LRPAP1: variants seen among roughly 807,000 people sequenced by gnomAD.
LRPAP1 encodes LDL receptor related protein associated protein 1.
LRPAP1 carries 41 observed loss-of-function variants against 39.9 expected under a neutral mutation model. The observed-to-expected ratio is 1.03, with a 90% CI of 0.80 to 1.33. LRPAP1 has a LOEUF of 1.33. Among genes scored for constraint, LRPAP1 ranks in the 40% most tolerant of loss-of-function variants. The pLI, the probability that LRPAP1 is intolerant of heterozygous loss-of-function variation, is 0.00. For missense variants in LRPAP1, 565 were observed against 482.3 expected, an observed-to-expected ratio of 1.17 and a Z score of -1.61; for synonymous variants, 263 against 212.7, an observed-to-expected ratio of 1.24 and a Z score of -2.06.
intron 7 of LRPAP1, among the ~76,000 whole-genome samples, chr4:3,514,274 C>T (rs1409683199): frequency 2.6e-5 from 4 of 152,278 alleles, no homozygotes; most frequent in African/African-American, 9.6e-5. Flanking sequence ...TGAGCCCCAG[C>T]TCCCTCCAGA....
rs753351085 is a variant in LRPAP1, at chr4:3,512,991, G to A, written c.1057C>T (p.Arg353Trp). 1.9e-5 allele frequency: 31 copies of A among 1,611,850 alleles called. No individual in the cohort carries two copies. Among genetic ancestry groups the A allele is most frequent in the South Asian group, 3.3e-5 (3 of 90,400 alleles). The part of the protein sequence containing the change: ...QDLSGRISRA[R>W]HNEL ...CAATGCCTTCAGAGTTCGTTGTGCC[G>A]AGCTCTGGAGATCCTGCCGGACAGG... Residue 353 changes from arginine to tryptophan, a missense_variant, in exon 8 of 8, where the codon CGG becomes TGG. Physicochemically the swap from Arg to Trp is moderately radical, Grantham distance 101. Transcript: ENST00000650182.
rs966413971 is a variant in LRPAP1 at position 3,507,865 on chromosome 4, C to A, written c.*5109G>T. On this transcript the variant is annotated 3_prime_UTR_variant, in exon 8 of 8. Coordinates refer to ENST00000650182, the MANE Select transcript of LRPAP1 (RefSeq NM_002337.4). ...GGGGGAAAAGAAAACACAAATGGCC[C>A]AGAGCAGGAATGAGAATGGACATCA... The A allele has an allele frequency of 6.6e-6, 1 of 152,080 alleles. No homozygotes were observed. The highest frequency in any genetic ancestry group is 2.1e-4 in the South Asian group (1 of 4,828). 9.4% of individuals were successfully genotyped at this position (152,080 alleles called of 1,614,324 possible). A position where few individuals can be genotyped will look rare whatever the true frequency, so the allele number is the denominator to read the frequency against.
At chr4:3,529,121 G>A (rs1388443284) in intron 1 of LRPAP1, among the ~76,000 whole-genome samples, 1 of 151,986 alleles carries the variant, frequency 6.6e-6, no homozygotes, top group Non-Finnish European at 1.5e-5. Flanking sequence ...CCAGGAGTTC[G>A]AGACCAGCCT....
chr4:3,532,117 C>T, intron 1 of LRPAP1, 92 bp downstream of exon 1: 4 of 1,395,122 alleles, frequency 2.9e-6, no homozygotes, highest in Non-Finnish European at 2.9e-6. Context: ...GCTGCGCCCC[C>T]CTCCGCCTCC....
chr4:3,525,156 C>A, intron 1 of LRPAP1, 105 bp from the exon 2 acceptor site: 2 of 1,329,734 alleles, frequency 1.5e-6, no homozygotes, highest in Non-Finnish European at 1.1e-6. Context: ...TCTGGGAGAC[C>A]AGGAAGAGGT....
At chr4:3,518,850 G>T (rs1729815477) in intron 4 of LRPAP1, 21 bp downstream of exon 4, 20 of 1,503,738 alleles carry the variant, frequency 1.3e-5, no homozygotes, top group Non-Finnish European at 1.7e-5. Flanking sequence ...GAGGGCAGGA[G>T]GGGGTGGGGG....
intron 2 of LRPAP1, among the ~76,000 whole-genome samples, chr4:3,522,680 TGCC>T (rs1729952769): frequency 9.4e-6 from 1 of 106,520 alleles, no homozygotes; most frequent in Non-Finnish European, 2.1e-5. Flanking sequence ...CCACACCCCC[TGCC>T]TGGGGAGGAC....
intron 2 of LRPAP1, among the ~76,000 whole-genome samples, chr4:3,521,476 G>C (rs1729907571): frequency 6.6e-6 from 1 of 152,108 alleles, no homozygotes; most frequent in African/African-American, 2.4e-5. Context: ...TCTCCCAAAG[G>C]TCCATCCTCT....
chr4:3,512,226 C>G lies in LRPAP1; in HGVS notation c.*748G>C, dbSNP rs540935815. ...AAGGCCTCCGTGGCTGTCTCTCCCC[C>G]ATGAGATGGGGCATTTACACAGCAC... is the stretch of plus-strand genomic sequence containing the variant. On this transcript the variant is annotated 3_prime_UTR_variant, in exon 8 of 8. Coordinates refer to ENST00000650182, the MANE Select transcript of LRPAP1 (RefSeq NM_002337.4). 1 of 152,522 alleles carries G rather than the reference C, an allele frequency of 6.6e-6. No individual in the cohort carries two copies. Among genetic ancestry groups the G allele is most frequent in the Admixed American group, 6.5e-5 (1 of 15,306 alleles). The allele number at this position is 152,522 out of a possible 1,614,324, so 9.4% of individuals were successfully genotyped here.
In LRPAP1 at chr4:3,504,349, C is replaced by A. The variant is rs1729288681; in HGVS notation, c.*8625G>T. 6.6e-6 allele frequency: 1 copy of A among 152,400 alleles called. No individual in the cohort carries two copies. The highest frequency in any genetic ancestry group is 2.4e-5 in the African/African-American group (1 of 41,590). 9.4% of individuals were successfully genotyped at this position (152,400 alleles called of 1,614,324 possible). On this transcript the variant is annotated 3_prime_UTR_variant, in exon 8 of 8. Coordinates refer to ENST00000650182, the MANE Select transcript of LRPAP1 (RefSeq NM_002337.4). ...ACAGTTCAGGCCGGGCACAGAAGCT[C>A]ATGCCTGTAATCCCAGCACTTTGGG...
chr4:3,528,408 A>T (rs1490598766), intron 1 of LRPAP1, among the ~76,000 whole-genome samples: 2 of 148,994 alleles, frequency 1.3e-5, no homozygotes, highest in Non-Finnish European at 3.0e-5. Context: ...CCCACACAGC[A>T]CCACCCGCGT....
chr4:3,526,602 C>A (rs1312482965), intron 1 of LRPAP1, among the ~76,000 whole-genome samples: 1 of 152,254 alleles, frequency 6.6e-6, no homozygotes. Context: ...CAGCCCGAGA[C>A]CTCAGGAGGC....
Position 3,520,136 on chromosome 4 carries a change from TTGC to T in LRPAP1, c.404_406del (p.Ser135del). 1.2e-6 allele frequency: 2 copies of T among 1,613,920 alleles called. No homozygotes were observed. Among genetic ancestry groups the T allele is most frequent in the South Asian group, 2.2e-5 (2 of 91,046 alleles). ...GTCTTCCTGGGTGCCACTGAGGGAG[TTGC>T]TGGTCACCTGCCGAGCGTCCTTCTT... On this transcript the variant is annotated inframe_deletion, in exon 3 of 8. Transcript: ENST00000650182.
Position 3,510,149 on chromosome 4 carries a change from G to T in LRPAP1, c.*2825C>A, listed in dbSNP as rs1017192089. 2.0e-5 allele frequency: 3 copies of T among 152,166 alleles called. No individual in the cohort carries two copies. The highest frequency in any genetic ancestry group is 2.9e-5 in the Non-Finnish European group (2 of 68,042). The allele number at this position is 152,166 out of a possible 1,614,324, so 9.4% of individuals were successfully genotyped here. ...GTAGCCAAGACAGTGTGGCGGCCGG[G>T]CACCATGGCTCACACCTACAACCTG... On this transcript the variant is annotated 3_prime_UTR_variant, in exon 8 of 8. Transcript: ENST00000650182.
intron 7 of LRPAP1, among the ~76,000 whole-genome samples, chr4:3,514,038 T>G (rs747032556): frequency 2.0e-5 from 3 of 152,218 alleles, no homozygotes; most frequent in Non-Finnish European, 4.4e-5. Flanking sequence ...TCCCCGCGTC[T>G]CGCGGGAGCG....
chr4:3,529,912 A>T (rs552855202), intron 1 of LRPAP1, among the ~76,000 whole-genome samples: 94 of 152,154 alleles, frequency 6.2e-4, no homozygotes, highest in Non-Finnish European at 1.3e-3. Flanking sequence ...AAAGGACAAG[A>T]CCGTCCTGGC....
Position 3,514,868 on chromosome 4 carries a change from C to G in LRPAP1, c.895G>C (p.Glu299Gln). 1 of 1,613,922 alleles carries G rather than the reference C, an allele frequency of 6.2e-7. No homozygotes were observed. Among genetic ancestry groups the G allele is most frequent in the Non-Finnish European group, 8.5e-7 (1 of 1,179,922 alleles). ...TGCCTCAGCTTCTCGTGCGCAATCT[C>G]CAGCTGCTTCTGGTAGTGGTTGTGC... ...EKHNHYQKQL[E>Q]IAHEKLRHAE... The change falls in exon 7 of 8, where the codon GAG (glutamate) becomes CAG (glutamine). Residue 299 changes from glutamate (E) to glutamine (Q), a missense_variant. By Grantham distance (29) the Glu-to-Gln change is conservative. Coordinates refer to ENST00000650182, the MANE Select transcript of LRPAP1 (RefSeq NM_002337.4).
At chr4:3,522,689 AGGACAGACGCCG>A (rs1729953739) in intron 2 of LRPAP1, among the ~76,000 whole-genome samples, 3 of 111,428 alleles carry the variant, frequency 2.7e-5, no homozygotes, top group Admixed American at 8.9e-5. Flanking sequence ...CTGCCTGGGG[AGGACAGACGCCG>A]CCCCACACCC....
intron 4 of LRPAP1, 133 bp from the exon 5 acceptor site, chr4:3,518,325 C>T (rs1196577398): frequency 4.9e-6 from 5 of 1,016,878 alleles, no homozygotes; most frequent in African/African-American, 1.6e-5. Context: ...CCCCCTTCCG[C>T]GGTCCTGCAG....
Sources: allele counts gnomAD v4.1 joint callset (sites outside exome capture counted in the v4.1 genomes callset), GRCh38; gene constraint gnomAD v4.1.1; transcripts MANE v1.5; gene names NCBI Gene and HGNC (gene_info 2026-07-23, HGNC 2026-07-21).